Variants in VPS29 observed in about 807,000 individuals in gnomAD.
VPS29 encodes VPS29 retromer complex component.
VPS29 carries 2 observed loss-of-function variants against 20.0 expected under a neutral mutation model. The ratio of observed to expected loss-of-function variants is 0.10; its 90% confidence interval spans 0.04 to 0.31. The LOEUF (loss-of-function observed/expected upper bound fraction) is 0.31, where lower values mean the gene tolerates loss of function less well. Among genes scored for constraint, VPS29 ranks in the 10% least tolerant of loss-of-function variants. The pLI is 1.00. For synonymous variants in VPS29, 81 were observed against 79.3 expected, an observed-to-expected ratio of 1.02 and a Z score of -0.12; for missense variants, 120 against 215.3, an observed-to-expected ratio of 0.56 and a Z score of 2.77.
chr12:110,496,327 G>T (rs1406334935), intron 1 of VPS29, 124 bp from the exon 2 acceptor site: 3 of 829,208 alleles, frequency 3.6e-6, no homozygotes, highest in South Asian at 2.5e-5. Context: ...TTATTCATAG[G>T]GTTCCTATCA....
At chr12:110,501,897 C>T in intron 1 of VPS29, 152 bp downstream of exon 1, 1 of 1,542,542 alleles carries the variant, frequency 6.5e-7, no homozygotes, top group Non-Finnish European at 8.8e-7. Context: ...TTCCCTAGAC[C>T]TCTTCTGGGC....
chr12:110,501,737 G>A (rs757931148), intron 1 of VPS29: 20 of 1,164,514 alleles, frequency 1.7e-5, no homozygotes, highest in Non-Finnish European at 2.5e-5. Context: ...CGAGGTATAG[G>A]ACCAAAGGCC....
intron 3 of VPS29, among the ~76,000 whole-genome samples, chr12:110,492,587 CATTT>C (rs925688732): frequency 2.1e-5 from 3 of 142,882 alleles, no homozygotes; most frequent in African/African-American, 7.9e-5. Flanking sequence ...AAAAAAGTCA[CATTT>C]ATTTTTATTT....
At chr12:110,496,280 C>T (rs776011551) in intron 1 of VPS29, 77 bp from the exon 2 acceptor site, 31 of 1,315,950 alleles carry the variant, frequency 2.4e-5, no homozygotes, top group Non-Finnish European at 2.9e-5. Flanking sequence ...TTGTAAGCCC[C>T]CTTTTAAGTC....
chr12:110,493,340 C>T (rs1398017000), intron 2 of VPS29, 109 bp from the exon 3 acceptor site: 1 of 740,520 alleles, frequency 1.4e-6, no homozygotes, highest in Non-Finnish European at 2.0e-6. Context: ...GATGTAGTAC[C>T]CCACAACACA....
At position 110,496,141 on chromosome 12, in the gene VPS29, G is replaced by A; in HGVS notation, c.66C>T (p.Phe22=). The change falls in exon 2 of 4, where the codon TTC becomes TTT. Residue 22 remains phenylalanine, a synonymous_variant. Coordinates refer to ENST00000549578, the MANE Select transcript of VPS29 (RefSeq NM_016226.5). ...PHRCNSLPAK[F]KKLLVPGKIQ... is the part of the protein sequence containing the mutation. ...TTTTTCCTGGCACCAGGAGTTTTTTGAATTTAGCTGGCAAACTGTTGCACC... is the reference window on the plus strand; with the variant it reads ...TTTTTCCTGGCACCAGGAGTTTTTTAAATTTAGCTGGCAAACTGTTGCACC... 6.2e-7 allele frequency: 1 copy of A among 1,613,934 alleles called. No individual in the cohort carries two copies. Among genetic ancestry groups the A allele is most frequent in the Non-Finnish European group, 8.5e-7 (1 of 1,179,908 alleles).
chr12:110,491,215 G>C lies in VPS29; in HGVS notation c.*790C>G, dbSNP rs1021820411. ...CTGCCTCAGCCTCCCGAGTAGCTGG[G>C]AATACAGGCATGTAGCACCATGCTG... On this transcript the variant is annotated 3_prime_UTR_variant, in exon 4 of 4. Coordinates refer to ENST00000549578, the MANE Select transcript of VPS29 (RefSeq NM_016226.5). The C allele has an allele frequency of 1.3e-5, 2 of 152,026 alleles. No individual in the cohort carries two copies. The highest frequency in any genetic ancestry group is 4.8e-5 in the African/African-American group (2 of 41,356). 9.4% of individuals were successfully genotyped at this position (152,026 alleles called of 1,614,324 possible). A position where few individuals can be genotyped will look rare whatever the true frequency, so the allele number is the denominator to read the frequency against.
Position 110,491,574 on chromosome 12 carries a change from G to C in VPS29, c.*431C>G, listed in dbSNP as rs1014725952. The C allele has an allele frequency of 6.4e-6, 1 of 156,166 alleles. No individual in the cohort carries two copies. The highest frequency in any genetic ancestry group is 1.4e-5 in the Non-Finnish European group (1 of 71,024). The allele number at this position is 156,166 out of a possible 1,614,324, so 9.7% of individuals were successfully genotyped here. A position where few individuals can be genotyped will look rare whatever the true frequency, so the allele number is the denominator to read the frequency against. ...ATATTTATATCCGTAGTTTCACTTGGTTCCTCATTTTTATGTTTTTTTTTA... is the reference window on the plus strand; with the variant it reads ...ATATTTATATCCGTAGTTTCACTTGCTTCCTCATTTTTATGTTTTTTTTTA... On this transcript the variant is annotated 3_prime_UTR_variant, in exon 4 of 4. Coordinates refer to ENST00000549578, the MANE Select transcript of VPS29 (RefSeq NM_016226.5).
chr12:110,492,594 TTTTATTTTATTTA>T (rs2062833704), intron 3 of VPS29, among the ~76,000 whole-genome samples: 2 of 142,648 alleles, frequency 1.4e-5, no homozygotes, highest in Middle Eastern at 3.5e-3. Flanking sequence ...TCACATTTAT[TTTTATTTTATTTA>T]TTTATTTATT....
intron 1 of VPS29, chr12:110,499,635 G>GA: frequency 1.2e-6 from 1 of 845,562 alleles, no homozygotes; most frequent in Non-Finnish European, 1.7e-6. Context: ...GCAACAAAAA[G>GA]AAACCAAAAA....
chr12:110,495,789 CTATT>C (rs1167519015), intron 2 of VPS29, among the ~76,000 whole-genome samples: 2 of 151,332 alleles, frequency 1.3e-5, no homozygotes, highest in African/African-American at 4.9e-5. Flanking sequence ...TATTCAGTAT[CTATT>C]TAGTTAGAAT....
intron 3 of VPS29, chr12:110,492,791 T>A: frequency 2.1e-6 from 1 of 473,476 alleles, no homozygotes; most frequent in African/African-American, 2.0e-5. Flanking sequence ...CCAGCTAATT[T>A]TTAAAATTTT....
At chr12:110,492,221 T>A in intron 3 of VPS29, 99 bp from the exon 4 acceptor site, 4 of 933,060 alleles carry the variant, frequency 4.3e-6, no homozygotes, top group Non-Finnish European at 6.7e-6. Context: ...AGAAATCTGT[T>A]ACATATCACA....
rs1293830286 is a variant in VPS29, at chr12:110,493,108, C to T, written c.319G>A (p.Asp107Asn). The T allele has an allele frequency of 6.2e-7, 1 of 1,614,092 alleles. No individual in the cohort carries two copies. Among genetic ancestry groups the T allele is most frequent in the Non-Finnish European group, 8.5e-7 (1 of 1,179,994 alleles). The change falls in exon 3 of 4, where the codon GAT (aspartate) becomes AAT (asparagine). Residue 107 changes from aspartate (D) to asparagine (N), a missense_variant. By Grantham distance (23) the Asp-to-Asn change is conservative. Transcript: ENST00000549578. ...ASLALLQRQF[D>N]VDILISGHTH... is the part of the protein sequence containing the mutation. ...TGTCCCGAGATAAGAATGTCCACAT[C>T]AAATTGCCTCTGCAACAGGGCTAAG...
intron 1 of VPS29, chr12:110,501,696 C>CG: frequency 1.4e-6 from 2 of 1,394,350 alleles, no homozygotes; most frequent in Non-Finnish European, 2.0e-6. Flanking sequence ...CGTCTGGAAA[C>CG]GGAGGACCGT....
intron 1 of VPS29, 188 bp from the exon 2 acceptor site, chr12:110,496,391 A>G (rs927426751): frequency 2.8e-5 from 14 of 499,112 alleles, no homozygotes; most frequent in Non-Finnish European, 4.8e-5. Flanking sequence ...TCTTCAGGTC[A>G]TCAGCTTTGG....
chr12:110,493,120 G>C lies in VPS29; in HGVS notation c.307C>G (p.Gln103Glu), dbSNP rs1397612482. 6.2e-7 allele frequency: 1 copy of C among 1,613,812 alleles called. No homozygotes were observed. The highest frequency in any genetic ancestry group is 8.5e-7 in the Non-Finnish European group (1 of 1,179,956). The change falls in exon 3 of 4, where the codon CAG becomes GAG. Residue 103 changes from glutamine to glutamate, a missense_variant. Transcript: ENST00000549578. ...WGDMASLALL[Q>E]RQFDVDILIS... ...AGAATGTCCACATCAAATTGCCTCTGCAACAGGGCTAAGCTGGCCATATCT... is the reference window on the plus strand; with the variant it reads ...AGAATGTCCACATCAAATTGCCTCTCCAACAGGGCTAAGCTGGCCATATCT...
rs776447100 is a variant in VPS29, at chr12:110,496,060, G to A, written c.147C>T (p.Leu49=). 2 of 1,610,254 alleles carry A rather than the reference G, an allele frequency of 1.2e-6. No individual in the cohort carries two copies. The highest frequency in any genetic ancestry group is 3.3e-5 in the Admixed American group (2 of 59,960). ...TATGAACATCACCAGCCAGAGTCTT[G>A]AGATAGTCATAACTCTCTTTGGTGC... ...NLCTKESYDY[L]KTLAGDVHIV... Residue 49 remains leucine (L), a synonymous_variant, in exon 2 of 4, where the codon CTC becomes CTT. Transcript: ENST00000549578.
chr12:110,494,070 T>G (rs1045936084), intron 2 of VPS29, among the ~76,000 whole-genome samples: 2 of 152,002 alleles, frequency 1.3e-5, no homozygotes, highest in East Asian at 1.9e-4. Flanking sequence ...AAAGAGGTTG[T>G]TTGTCCTTTC....
Sources: allele counts gnomAD v4.1 joint callset (sites outside exome capture counted in the v4.1 genomes callset), GRCh38; gene constraint gnomAD v4.1.1; transcripts MANE v1.5; gene names NCBI Gene and HGNC (gene_info 2026-07-23, HGNC 2026-07-21).